Variants in NEBL observed in about 807,000 individuals in gnomAD.
The protein encoded by NEBL is nebulette.
NEBL carries 122 observed loss-of-function variants against 140.2 expected under a neutral mutation model. The ratio of observed to expected loss-of-function variants is 0.87; its 90% CI spans 0.75 to 1.01. NEBL has a LOEUF of 1.01. Ranked by LOEUF, NEBL falls within the 50% of genes least tolerant of loss-of-function variation. NEBL has a pLI of 0.00. For missense variants in NEBL, 1,365 were observed against 1,231.3 expected (o/e 1.11, Z -1.62); for synonymous variants, 436 against 398.9 (o/e 1.09, Z -1.11).
chr10:21,175,563 T>TA (rs1388388405), upstream of NEBL, among the ~76,000 whole-genome samples: 1 of 152,260 alleles, frequency 6.6e-6, no homozygotes, highest in African/African-American at 2.4e-5. Flanking sequence ...CTGGGCCTCT[T>TA]AAACAGCTGC....
At chr10:21,063,634 C>T (rs575994988) in intron 2 of NEBL, among the ~76,000 whole-genome samples, 75 of 152,282 alleles carry the variant, frequency 4.9e-4, no homozygotes, top group African/African-American at 1.8e-3. Context: ...TGGCTCACAC[C>T]TGTAATCCTA....
chr10:21,102,307 A>T (rs577794511), intron 2 of NEBL, among the ~76,000 whole-genome samples: 1 of 152,326 alleles, frequency 6.6e-6, no homozygotes, highest in South Asian at 2.1e-4. Flanking sequence ...ATATATTTAG[A>T]GTGCACAACT....
chr10:21,240,099 A>C (rs1842419064), intron 3 of NEBL, among the ~76,000 whole-genome samples: 1 of 152,244 alleles, frequency 6.6e-6, no homozygotes, highest in Non-Finnish European at 1.5e-5. Flanking sequence ...AGAATTTTGT[A>C]AACTAGCCTA....
At position 21,042,601 on chromosome 10, in the gene NEBL, T is replaced by C. The variant is rs1463906299; in HGVS notation, c.165-22400A>G. On this transcript the variant is annotated intron_variant, in intron 2 of 6. Transcript: ENST00000417816. ...ATGCCATCAGGATGTGCCTTTGCAC[T>C]GTTCTTTCCAACTTCAGATCATGTA... Among the ~76,000 whole-genome samples, 3 of 152,240 alleles carry C rather than the reference T, an allele frequency of 2.0e-5. No homozygotes were observed. In the East Asian group the frequency reaches 5.8e-4, roughly 29 times the overall value.
At chr10:21,218,749 A>G (rs1160610825) in intron 3 of NEBL, among the ~76,000 whole-genome samples, 2 of 152,234 alleles carry the variant, frequency 1.3e-5, no homozygotes, top group African/African-American at 4.8e-5. Flanking sequence ...GGAAGTGATC[A>G]GACTTGGGGA....
chr10:20,944,672 G>C (rs1042003061), intron 4 of NEBL, among the ~76,000 whole-genome samples: 2 of 152,220 alleles, frequency 1.3e-5, no homozygotes, highest in African/African-American at 4.8e-5. Flanking sequence ...CACAGTTGGA[G>C]CGTGAGCACA....
chr10:21,220,610 C>G (rs1388335261), intron 3 of NEBL, among the ~76,000 whole-genome samples: 1 of 151,982 alleles, frequency 6.6e-6, no homozygotes, highest in Non-Finnish European at 1.5e-5. Flanking sequence ...TGGATGTTAC[C>G]CCAAAAGCAG....
chr10:20,792,965 A>G (rs921531021), intron 26 of NEBL, among the ~76,000 whole-genome samples: 1 of 152,294 alleles, frequency 6.6e-6, no homozygotes, highest in South Asian at 2.1e-4. Flanking sequence ...ACATCTGATC[A>G]CAAGACATAA....
chr10:21,139,987 CAAAA>C (rs11289396), intron 2 of NEBL, among the ~76,000 whole-genome samples: 6 of 99,684 alleles, frequency 6.0e-5, no homozygotes, highest in African/African-American at 2.0e-4. Flanking sequence ...CCTGTCTCAA[CAAAA>C]AAAAAAAAAA....
At chr10:21,050,044 G>T (rs1399337987) in intron 2 of NEBL, among the ~76,000 whole-genome samples, 1 of 152,094 alleles carries the variant, frequency 6.6e-6, no homozygotes, top group East Asian at 1.9e-4. Context: ...AAATGAAGGG[G>T]GAGGAAGACT....
chr10:20,890,219 G>T (rs561765953), intron 2 of NEBL, among the ~76,000 whole-genome samples: 2 of 152,140 alleles, frequency 1.3e-5, no homozygotes, highest in Non-Finnish European at 2.9e-5. Flanking sequence ...GATGGGTCCT[G>T]TTTACCCAGC....
At chr10:21,224,891 G>A (rs565093742) in intron 3 of NEBL, among the ~76,000 whole-genome samples, 6 of 152,258 alleles carry the variant, frequency 3.9e-5, no homozygotes, top group African/African-American at 1.4e-4. Context: ...ATCATCTCCA[G>A]TAGTTTTTTG....
At chr10:20,810,087 A>G (rs915520368) in intron 24 of NEBL, among the ~76,000 whole-genome samples, 189 bp from the exon 25 acceptor site, 3 of 152,172 alleles carry the variant, frequency 2.0e-5, no homozygotes, top group Non-Finnish European at 2.9e-5. Context: ...ACTTGCTTTC[A>G]CAAGTATCTG....
chr10:20,955,881 A>G (rs1412377909), intron 4 of NEBL, among the ~76,000 whole-genome samples: 4 of 151,322 alleles, frequency 2.6e-5, no homozygotes, highest in Non-Finnish European at 5.9e-5. Flanking sequence ...ATCTTCACAG[A>G]TTGTTCACTG....
intron 3 of NEBL, among the ~76,000 whole-genome samples, chr10:21,211,442 G>A (rs1446060773): frequency 2.0e-5 from 3 of 152,150 alleles, no homozygotes; most frequent in Non-Finnish European, 2.9e-5. Flanking sequence ...GACCTTGCCA[G>A]TCTGGGCAAC....
intron 2 of NEBL, among the ~76,000 whole-genome samples, chr10:21,103,436 A>G (rs1837567960): frequency 1.3e-5 from 2 of 152,032 alleles, no homozygotes; most frequent in South Asian, 4.1e-4. Context: ...TATGGTCTCC[A>G]TCTCCTCACC....
chr10:21,140,104 T>C (rs1839557516), intron 2 of NEBL, among the ~76,000 whole-genome samples: 1 of 152,056 alleles, frequency 6.6e-6, no homozygotes, highest in South Asian at 2.1e-4. Context: ...GAGGCTGCAG[T>C]GAGCCAAGAT....
intron 3 of NEBL, among the ~76,000 whole-genome samples, chr10:21,015,237 G>A (rs1030771879): frequency 6.6e-6 from 1 of 152,094 alleles, no homozygotes; most frequent in Non-Finnish European, 1.5e-5. Flanking sequence ...GAGGAGAGTC[G>A]GGGGGGTTTG....
At chr10:20,882,168 GAAA>G (rs1846068909) in intron 4 of NEBL, among the ~76,000 whole-genome samples, 2 of 141,818 alleles carry the variant, frequency 1.4e-5, no homozygotes, top group Non-Finnish European at 3.1e-5. Context: ...TCCTGCAAAA[GAAA>G]GAAAGAAGGA....
Sources: gnomAD v4.1 joint callset for allele counts (sites outside exome capture counted in the v4.1 genomes callset) on GRCh38, gnomAD v4.1.1 for gene constraint, MANE v1.5 for transcripts, NCBI Gene and HGNC (gene_info 2026-07-23, HGNC 2026-07-21) for gene names.